The following ZBTB38 variants were observed in gnomAD, a reference collection of about 807,000 sequenced individuals.
ZBTB38 encodes zinc finger and BTB domain-containing protein 38.
A neutral mutation model predicts 76.8 loss-of-function variants in ZBTB38; 20 were observed. The ratio of observed to expected loss-of-function variants is 0.26; its 90% CI spans 0.18 to 0.38. The LOEUF is 0.38. ZBTB38 is among the 10% of genes least tolerant of loss of function. The probability of loss-of-function intolerance (pLI) is 1.00; values close to 1 mark genes in which losing one functional copy is unlikely to be tolerated. For synonymous variants in ZBTB38, 504 were observed against 544.2 expected (o/e 0.93, Z 1.03); for missense variants, 1,082 against 1,482.3 (o/e 0.73, Z 4.43).
At chr3:141,397,017 T>C (rs184137909) in intron 4 of ZBTB38, among the ~76,000 whole-genome samples, 154 of 152,330 alleles carry the variant, frequency 1.0e-3, no homozygotes, top group African/African-American at 3.2e-3. Flanking sequence ...AAGCCCCTAA[T>C]TGAAGTTTTG....
intron 4 of ZBTB38, among the ~76,000 whole-genome samples, chr3:141,394,617 G>C (rs566254152): frequency 2.5e-4 from 38 of 152,188 alleles, no homozygotes; most frequent in Admixed American, 2.0e-4. Context: ...TGCTCTGGGA[G>C]CCCCCAGAGC....
chr3:141,382,250 A>G (rs1053238736), intron 3 of ZBTB38, among the ~76,000 whole-genome samples: 27 of 152,206 alleles, frequency 1.8e-4, no homozygotes, highest in Admixed American at 4.6e-4. Flanking sequence ...ACAAAAGAGA[A>G]CAGGCTACTC....
At chr3:141,364,924 C>A (rs1302231055), upstream of ZBTB38, among the ~76,000 whole-genome samples, 1 of 151,874 alleles carries the variant, frequency 6.6e-6, no homozygotes, top group Non-Finnish European at 1.5e-5. Flanking sequence ...AAATCAGAAC[C>A]CTCATAAATT....
intron 1 of ZBTB38, among the ~76,000 whole-genome samples, chr3:141,333,429 A>G (rs1479236060): frequency 1.3e-5 from 2 of 151,636 alleles, no homozygotes; most frequent in Non-Finnish European, 2.9e-5. Flanking sequence ...AGTCCACAAG[A>G]CCTCATGGCT....
At chr3:141,435,504 A>G (rs2078564570) in intron 5 of ZBTB38, among the ~76,000 whole-genome samples, 1 of 152,220 alleles carries the variant, frequency 6.6e-6, no homozygotes, top group South Asian at 2.1e-4. Context: ...CACGCCTGTA[A>G]TCCCAGCACT....
chr3:141,410,488 T>C (rs1279012705), intron 5 of ZBTB38, among the ~76,000 whole-genome samples: 1 of 152,202 alleles, frequency 6.6e-6, no homozygotes, highest in Admixed American at 6.5e-5. Flanking sequence ...CCCACTGTCC[T>C]AGGCCCAGTC....
intron 1 of ZBTB38, among the ~76,000 whole-genome samples, chr3:141,325,695 A>G (rs1444365256): frequency 6.6e-6 from 1 of 152,254 alleles, no homozygotes; most frequent in African/African-American, 2.4e-5. Context: ...TTAGTGAAGC[A>G]TAGAGTTTGG....
At chr3:141,376,411 A>C (rs1326155765) in intron 2 of ZBTB38, among the ~76,000 whole-genome samples, 1 of 152,140 alleles carries the variant, frequency 6.6e-6, no homozygotes, top group Non-Finnish European at 1.5e-5. Context: ...GCCCCATGCA[A>C]GTCTCCATTA....
chr3:141,430,126 T>C lies in ZBTB38; in HGVS notation c.1-12263T>C, dbSNP rs534252813. Among the ~76,000 whole-genome samples the C allele has an allele frequency of 9.9e-5, 15 of 152,176 alleles. No homozygotes were observed. The East Asian group carries it at 1.5e-3, about 16-fold the overall frequency. On this transcript the variant is annotated intron_variant, in intron 5 of 5. Transcript: ENST00000321464. Reference sequence around the variant, plus strand: ...TGTCACCCAGGCTGGAGTGCAATGGTGTGATCTTGGCTCACTGCAACCTCT... The same window carrying C: ...TGTCACCCAGGCTGGAGTGCAATGGCGTGATCTTGGCTCACTGCAACCTCT...
intron 1 of ZBTB38, among the ~76,000 whole-genome samples, chr3:141,360,809 C>T (rs1402630279): frequency 1.3e-5 from 2 of 152,040 alleles, no homozygotes; most frequent in African/African-American, 4.8e-5. Flanking sequence ...ACGGTATTAC[C>T]CCCAAAATGA....
chr3:141,342,193 T>A (rs1275648444), intron 1 of ZBTB38, among the ~76,000 whole-genome samples: 1 of 151,830 alleles, frequency 6.6e-6, no homozygotes, highest in Non-Finnish European at 1.5e-5. Context: ...GGCGTGGTGG[T>A]GCGTGCCTAT....
At chr3:141,432,101 T>C (rs1045306966) in intron 5 of ZBTB38, 1 of 985,340 alleles carries the variant, frequency 1.0e-6, no homozygotes, top group African/African-American at 1.7e-5. Context: ...TGTGGGATGG[T>C]ACAGCCAGCT....
At chr3:141,440,333 T>A (rs2079841812) in intron 5 of ZBTB38, among the ~76,000 whole-genome samples, 1 of 152,218 alleles carries the variant, frequency 6.6e-6, no homozygotes, top group Non-Finnish European at 1.5e-5. Flanking sequence ...TTTTTTCCTA[T>A]GACTGGATAC....
intron 5 of ZBTB38, among the ~76,000 whole-genome samples, chr3:141,438,786 C>T (rs1446031046): frequency 1.3e-5 from 2 of 151,910 alleles, no homozygotes; most frequent in Non-Finnish European, 2.9e-5. Context: ...CCTTTAGGGC[C>T]CTTTATGATC....
At chr3:141,326,744 T>G (rs1346543837) in intron 1 of ZBTB38, among the ~76,000 whole-genome samples, 2 of 152,214 alleles carry the variant, frequency 1.3e-5, no homozygotes, top group African/African-American at 4.8e-5. Flanking sequence ...AAGTAGGACT[T>G]TATTTATCTA....
intron 1 of ZBTB38, among the ~76,000 whole-genome samples, chr3:141,334,460 C>T (rs1576635759): frequency 4.8e-5 from 7 of 146,176 alleles, no homozygotes; most frequent in Admixed American, 2.0e-4. Context: ...TTTCTTCCTT[C>T]CTTCCTTCCT....
rs1431303902 is a variant in ZBTB38 at position 141,444,117 on chromosome 3, C to T, written c.1729C>T (p.Pro577Ser). 2.5e-6 allele frequency: 4 copies of T among 1,613,768 alleles called. No homozygotes were observed. Among genetic ancestry groups the T allele is most frequent in the Non-Finnish European group, 3.4e-6 (4 of 1,179,972 alleles). ...ACTGCCTATGAAATGCAAGAGAGCC[C>T]CTTATAAGAGCTACCGAAATTCTTC... ...RLLPMKCKRA[P>S]YKSYRNSSYE... The change falls in exon 6 of 6, where the codon CCT becomes TCT. Residue 577 changes from proline to serine, a missense_variant. Physicochemically the swap from Pro to Ser is moderately conservative, Grantham distance 74. Around this residue, in one of 8 missense-constraint regions of ZBTB38, gnomAD observed 471 missense variants for 581.0 expected, o/e 0.81. Transcript: ENST00000321464. This position sits in a 1 kb window ranked among gnomAD's most constrained non-coding sequence, Gnocchi z 5.1.
chr3:141,413,790 C>A lies in ZBTB38; in HGVS notation c.-1+9759C>A, dbSNP rs2073242735. Among the ~76,000 whole-genome samples, 1 of 152,158 alleles carries A rather than the reference C, an allele frequency of 6.6e-6. No individual in the cohort carries two copies. The highest frequency in any genetic ancestry group is 1.5e-5 in the Non-Finnish European group (1 of 68,030). On this transcript the variant is annotated intron_variant, in intron 5 of 5. Transcript: ENST00000321464. This position sits in a 1 kb window ranked among gnomAD's most constrained non-coding sequence, Gnocchi z 4.1. ...CCCTTTTTCTTGAAGCTTGAACAGACTTTATCATTAATGTGACTGACTGGA... is the reference window on the plus strand; with the variant it reads ...CCCTTTTTCTTGAAGCTTGAACAGAATTTATCATTAATGTGACTGACTGGA...
chr3:141,418,805 C>T (rs1030566511), intron 5 of ZBTB38, among the ~76,000 whole-genome samples: 1 of 152,174 alleles, frequency 6.6e-6, no homozygotes, highest in African/African-American at 2.4e-5. Flanking sequence ...TCACAATAAT[C>T]TTCTCAGGTG....
Sources: allele counts gnomAD v4.1 joint callset (sites outside exome capture counted in the v4.1 genomes callset), GRCh38; gene constraint gnomAD v4.1.1; regional missense constraint gnomAD v4.1.1; non-coding constraint Gnocchi (gnomAD v3.1); transcripts MANE v1.5; gene names NCBI Gene and HGNC (gene_info 2026-07-23, HGNC 2026-07-21).